CR1L: variants seen among roughly 807,000 people sequenced by gnomAD.
CR1L encodes complement C3b/C4b receptor 1 like.
CR1L carries 59 observed loss-of-function variants against 62.3 expected under a neutral mutation model. That is an observed-to-expected ratio of 0.95 (90% CI 0.77 to 1.18). The LOEUF (loss-of-function observed/expected upper bound fraction) is 1.18, where lower values mean the gene tolerates loss of function less well. Among genes scored for constraint, CR1L ranks in the 50% most tolerant of loss-of-function variants. The pLI is 0.00. For missense variants in CR1L, 700 were observed against 702.8 expected (o/e 1.00, Z 0.04); for synonymous variants, 279 against 248.7 (o/e 1.12, Z -1.15).
Position 207,717,562 on chromosome 1 carries a change from G to A in CR1L, c.1513G>A (p.Asp505Asn). The change falls in exon 11 of 12, where the codon GAC (aspartate) becomes AAC (asparagine). Residue 505 changes from aspartate (D) to asparagine (N), a missense_variant. Asp to Asn is a conservative substitution (Grantham distance 23). Transcript: ENST00000508064. Reference sequence around the variant, plus strand: ...TGGAAAAGAAGTATCTTACACATGTGACCCCCACCCAGACAGAGGGATGAC... The same window carrying A: ...TGGAAAAGAAGTATCTTACACATGTAACCCCCACCCAGACAGAGGGATGAC... ...PYGKEVSYTC[D>N]PHPDRGMTFN... is the part of the protein sequence containing the mutation. 1 of 1,613,834 alleles carries A rather than the reference G, an allele frequency of 6.2e-7. No individual in the cohort carries two copies. The highest frequency in any genetic ancestry group is 8.5e-7 in the Non-Finnish European group (1 of 1,179,792).
At chr1:207,717,191 A>T (rs551957178) in intron 10 of CR1L, among the ~76,000 whole-genome samples, 72 of 152,154 alleles carry the variant, frequency 4.7e-4, no homozygotes, top group South Asian at 1.9e-3. Context: ...TAAAAAAATT[A>T]AAAAAAATTA....
intron 1 of CR1L, among the ~76,000 whole-genome samples, chr1:207,661,695 T>G (rs1315607262): frequency 6.6e-6 from 1 of 152,202 alleles, no homozygotes; most frequent in African/African-American, 2.4e-5. Context: ...ATTATGATGT[T>G]AGCTGGTTAT....
At chr1:207,675,804 C>A (rs1218039726) in intron 1 of CR1L, among the ~76,000 whole-genome samples, 1 of 152,096 alleles carries the variant, frequency 6.6e-6, no homozygotes, top group Non-Finnish European at 1.5e-5. Flanking sequence ...ATTTTTGTTG[C>A]TTTAAATTAA....
At chr1:207,649,501 T>C (rs1354984445) in intron 1 of CR1L, among the ~76,000 whole-genome samples, 2 of 152,208 alleles carry the variant, frequency 1.3e-5, no homozygotes, top group Non-Finnish European at 2.9e-5. Context: ...TAGGGTTGTT[T>C]TAATTTCCCG....
At chr1:207,715,210 A>G in intron 10 of CR1L, 2 of 668,922 alleles carry the variant, frequency 3.0e-6, no homozygotes, top group South Asian at 1.5e-5. Context: ...ATGATAGTCA[A>G]GGAGGAAATG....
At chr1:207,706,044 T>TATATATAA (rs1491230856) in intron 9 of CR1L, among the ~76,000 whole-genome samples, 14 of 118,832 alleles carry the variant, frequency 1.2e-4, no homozygotes, top group Non-Finnish European at 2.2e-4. Context: ...TATATATATA[T>TATATATAA]AAAACACTGA....
At chr1:207,713,257 GA>G (rs1046890418) in intron 10 of CR1L, among the ~76,000 whole-genome samples, 22 of 151,934 alleles carry the variant, frequency 1.4e-4, no homozygotes, top group African/African-American at 4.6e-4. Flanking sequence ...ATGTGTGCTA[GA>G]AAAAAAAGAT....
Position 207,662,014 on chromosome 1 carries a change from C to T in CR1L, c.98-15375C>T, listed in dbSNP as rs143668605. Among the ~76,000 whole-genome samples the T allele has an allele frequency of 7.3e-3, 1,114 of 152,282 alleles. 9 individuals are homozygous for T. Among genetic ancestry groups the T allele is most frequent in the African/African-American group, 0.025 (1,036 of 41,542 alleles). ...CTTGTAGAGTTTCTGCTGAGAGATC[C>T]GCTGTTAGTCTGATGGGCGTCCCTT... On this transcript the variant is annotated intron_variant, in intron 1 of 11. Transcript: ENST00000508064.
At chr1:207,673,373 T>A (rs1329630138) in intron 1 of CR1L, among the ~76,000 whole-genome samples, 2 of 152,234 alleles carry the variant, frequency 1.3e-5, no homozygotes, top group African/African-American at 4.8e-5. Flanking sequence ...TGCATGCTCT[T>A]TTTTTAAGCT....
chr1:207,666,977 C>T (rs997694001), intron 1 of CR1L, among the ~76,000 whole-genome samples: 1 of 152,160 alleles, frequency 6.6e-6, no homozygotes, highest in Non-Finnish European at 1.5e-5. Context: ...ATCTCCCATC[C>T]ATTATCTTTT....
intron 1 of CR1L, among the ~76,000 whole-genome samples, chr1:207,654,256 C>T (rs1663271993): frequency 6.6e-6 from 1 of 152,114 alleles, no homozygotes; most frequent in South Asian, 2.1e-4. Flanking sequence ...AGGAAAAGTG[C>T]ACTGTGACCA....
intron 1 of CR1L, among the ~76,000 whole-genome samples, chr1:207,674,568 A>G (rs143943678): frequency 6.6e-6 from 1 of 152,326 alleles, no homozygotes; most frequent in East Asian, 1.9e-4. Flanking sequence ...TGCATATACT[A>G]CTATAAAGGT....
At position 207,674,721 on chromosome 1, in the gene CR1L, C is replaced by T. The variant is rs558049764; in HGVS notation, c.98-2668C>T. On this transcript the variant is annotated intron_variant, in intron 1 of 11. Transcript: ENST00000508064. ...TACCCTCTCTTAATACAGCTTTTGG[C>T]GCTAGGAGAGCTCCACTTGGAATCT... Among the ~76,000 whole-genome samples, 4 of 152,280 alleles carry T rather than the reference C, an allele frequency of 2.6e-5. No homozygotes were observed. In the South Asian group the frequency reaches 6.2e-4, roughly 24 times the overall value.
rs1303390273 is a variant in CR1L at position 207,723,663 on chromosome 1, C to G, written c.1688C>G (p.Ala563Gly). The G allele has an allele frequency of 3.1e-6, 5 of 1,592,504 alleles. No homozygotes were observed. The highest frequency in any genetic ancestry group is 4.3e-6 in the Non-Finnish European group (5 of 1,167,276). ...LIVGKFYEVFAEEFCHL is the reference protein window; with the variant it reads ...LIVGKFYEVFGEEFCHL ...GTTGGTAAGTTTTATGAAGTGTTTGCTGAGGAATTCTGTCATCTTTAACAG... is the reference window on the plus strand; with the variant it reads ...GTTGGTAAGTTTTATGAAGTGTTTGGTGAGGAATTCTGTCATCTTTAACAG... The change falls in exon 12 of 12, where the codon GCT becomes GGT. Residue 563 changes from alanine to glycine, a missense_variant. Ala to Gly is a moderately conservative substitution (Grantham distance 60). Transcript: ENST00000508064.
chr1:207,705,340 G>T (rs1032200736), intron 9 of CR1L, among the ~76,000 whole-genome samples: 2 of 152,180 alleles, frequency 1.3e-5, no homozygotes, highest in Non-Finnish European at 2.9e-5. Flanking sequence ...CAACATATTT[G>T]GGGGAGACAC....
intron 1 of CR1L, among the ~76,000 whole-genome samples, chr1:207,653,661 A>T (rs758770881): frequency 6.6e-5 from 10 of 152,226 alleles, no homozygotes; most frequent in Admixed American, 6.5e-4. Flanking sequence ...AATGTGAAGC[A>T]TCTCAAGAAC....
At chr1:207,709,832 C>A (rs200234262) in intron 10 of CR1L, among the ~76,000 whole-genome samples, 905 of 121,552 alleles carry the variant, frequency 7.4e-3, no homozygotes, top group South Asian at 8.9e-3. Flanking sequence ...GACTCTGTCT[C>A]AAAAAAAAAA....
chr1:207,719,426 C>T (rs187469650), intron 11 of CR1L, among the ~76,000 whole-genome samples: 3 of 151,894 alleles, frequency 2.0e-5, no homozygotes, highest in African/African-American at 7.2e-5. Flanking sequence ...TACTTAGTAC[C>T]ACTGTTAGAT....
chr1:207,678,515 T>C (rs1285395608), intron 3 of CR1L, among the ~76,000 whole-genome samples: 1 of 152,168 alleles, frequency 6.6e-6, no homozygotes, highest in Non-Finnish European at 1.5e-5. Flanking sequence ...AGGCAGAGCA[T>C]ATATGAAAAG....
Sources: gnomAD v4.1 joint callset for allele counts (sites outside exome capture counted in the v4.1 genomes callset) on GRCh38, gnomAD v4.1.1 for gene constraint, MANE v1.5 for transcripts, NCBI Gene and HGNC (gene_info 2026-07-23, HGNC 2026-07-21) for gene names.